Variants in GRID2 observed in about 807,000 individuals in gnomAD.
GRID2 encodes glutamate receptor ionotropic, delta-2.
In GRID2, 33 loss-of-function variants were observed where a neutral mutation model predicts 114.8. That is an observed-to-expected ratio of 0.29 (90% CI 0.22 to 0.38). The LOEUF is 0.38. Among genes scored for constraint, GRID2 ranks in the 10% least tolerant of loss-of-function variants. The pLI is 1.00. For missense variants in GRID2, 1,184 were observed against 1,257.7 expected (o/e 0.94, Z 0.89); for synonymous variants, 505 against 449.9 (o/e 1.12, Z -1.55).
chr4:92,600,089 T>TATATATATATATATATA (rs1729154849), intron 2 of GRID2, among the ~76,000 whole-genome samples: 2 of 134,756 alleles, frequency 1.5e-5, no homozygotes, highest in African/African-American at 2.7e-5. Context: ...TATATATATA[T>TATATATATATATATATA]TTCTCAGAAT....
chr4:93,421,865 T>G (rs1768323413), intron 9 of GRID2, among the ~76,000 whole-genome samples: 1 of 152,066 alleles, frequency 6.6e-6, no homozygotes, highest in Admixed American at 6.6e-5. Flanking sequence ...AAAAAAACCT[T>G]TGGCTATTCT....
At chr4:92,521,833 G>C (rs966100850) in intron 1 of GRID2, among the ~76,000 whole-genome samples, 31 of 152,052 alleles carry the variant, frequency 2.0e-4, no homozygotes, top group African/African-American at 6.7e-4. Context: ...TAAGAATTGA[G>C]AGAGCAGAGG....
chr4:93,351,759 G>A (rs1233498071), intron 8 of GRID2, among the ~76,000 whole-genome samples: 2 of 152,038 alleles, frequency 1.3e-5, no homozygotes, highest in East Asian at 3.9e-4. Flanking sequence ...GAGACTCAGA[G>A]AGTTTAAGTA....
At chr4:93,770,918 T>C (rs912598050) in intron 15 of GRID2, among the ~76,000 whole-genome samples, 2 of 152,156 alleles carry the variant, frequency 1.3e-5, no homozygotes, top group Admixed American at 1.3e-4. Flanking sequence ...ATTGCATTAA[T>C]GGATATTTTT....
intron 2 of GRID2, among the ~76,000 whole-genome samples, chr4:92,766,482 A>G (rs1015833928): frequency 4.8e-5 from 7 of 146,362 alleles, no homozygotes; most frequent in African/African-American, 1.8e-4. Flanking sequence ...GCTTGCGGTG[A>G]GCCGAGATAG....
chr4:93,528,801 C>T (rs926894295), intron 13 of GRID2, among the ~76,000 whole-genome samples: 6 of 152,176 alleles, frequency 3.9e-5, no homozygotes, highest in Middle Eastern at 3.4e-3. Context: ...TCATGTTATT[C>T]GGACACATCC....
intron 2 of GRID2, among the ~76,000 whole-genome samples, chr4:92,742,923 C>A (rs895611823): frequency 3.3e-5 from 5 of 152,132 alleles, no homozygotes; most frequent in Non-Finnish European, 5.9e-5. Context: ...ATCTTTTATT[C>A]CACTAGTTCT....
At chr4:93,570,015 T>C (rs1190492689) in intron 13 of GRID2, among the ~76,000 whole-genome samples, 1 of 152,186 alleles carries the variant, frequency 6.6e-6, no homozygotes, top group Non-Finnish European at 1.5e-5. Flanking sequence ...TATTAGAATA[T>C]GTTAATAAAT....
chr4:93,152,521 G>A (rs1343885372), intron 4 of GRID2, among the ~76,000 whole-genome samples: 2 of 152,090 alleles, frequency 1.3e-5, no homozygotes, highest in African/African-American at 2.4e-5. Flanking sequence ...ATTAACCACA[G>A]CTTAAATTGA....
intron 13 of GRID2, 82 bp downstream of exon 13, chr4:93,515,493 TG>T: frequency 1.0e-6 from 1 of 966,958 alleles, no homozygotes; most frequent in Middle Eastern, 3.4e-4. Flanking sequence ...TTGTTTTTTT[TG>T]TTTTGTTTTT....
At chr4:92,834,757 A>G (rs1406891122) in intron 2 of GRID2, among the ~76,000 whole-genome samples, 1 of 152,164 alleles carries the variant, frequency 6.6e-6, no homozygotes, top group Admixed American at 6.6e-5. Context: ...ATTTCTGGAC[A>G]CTGCATTTTT....
Position 93,271,784 on chromosome 4 carries a change from T to G in GRID2, c.1245+33294T>G, listed in dbSNP as rs142964896. ...AAAAATATGATTATTTTTATTGTAC[T>G]TTATGAATGTTGCTTATGCAATCTA... On this transcript the variant is annotated intron_variant, in intron 8 of 15. Coordinates refer to ENST00000282020, the MANE Select transcript of GRID2 (RefSeq NM_001510.4). Among the ~76,000 whole-genome samples, 572 of 151,794 alleles carry G rather than the reference T, an allele frequency of 3.8e-3. 4 individuals carry two copies. The highest frequency in any genetic ancestry group is 0.013 in the African/African-American group (549 of 41,208).
chr4:92,688,021 G>A (rs959567072), intron 2 of GRID2, among the ~76,000 whole-genome samples: 6 of 120,560 alleles, frequency 5.0e-5, no homozygotes, highest in Non-Finnish European at 8.7e-5. Context: ...TGCCACATTG[G>A]TTGACCCTTC....
At chr4:93,097,342 A>C (rs1029099180) in intron 3 of GRID2, among the ~76,000 whole-genome samples, 2 of 151,878 alleles carry the variant, frequency 1.3e-5, no homozygotes, top group Non-Finnish European at 2.9e-5. Flanking sequence ...GGTAAAGGAA[A>C]GGAAAAAGGA....
intron 1 of GRID2, among the ~76,000 whole-genome samples, chr4:92,341,119 TAGTA>T (rs1220425906): frequency 1.3e-4 from 20 of 152,188 alleles, no homozygotes; most frequent in Non-Finnish European, 2.4e-4. Context: ...ATACAGTAGA[TAGTA>T]TATATAAAAG....
chr4:92,398,875 T>TG (rs1730638896), intron 1 of GRID2, among the ~76,000 whole-genome samples: 4 of 152,220 alleles, frequency 2.6e-5, no homozygotes. Flanking sequence ...GCAGTGGGAC[T>TG]GAGTGAGCTG....
intron 2 of GRID2, among the ~76,000 whole-genome samples, chr4:93,029,610 A>G (rs1724200583): frequency 6.6e-6 from 1 of 152,166 alleles, no homozygotes; most frequent in Non-Finnish European, 1.5e-5. Context: ...ATATTTTTAA[A>G]AGTTACAATA....
intron 2 of GRID2, among the ~76,000 whole-genome samples, chr4:93,012,909 A>T (rs1311978523): frequency 6.6e-6 from 1 of 152,038 alleles, no homozygotes; most frequent in Non-Finnish European, 1.5e-5. Flanking sequence ...AATATATATG[A>T]CATATATATA....
At chr4:93,759,200 A>T (rs543213702) in intron 14 of GRID2, among the ~76,000 whole-genome samples, 1 of 152,300 alleles carries the variant, frequency 6.6e-6, no homozygotes, top group African/African-American at 2.4e-5. Flanking sequence ...GAGATCCGTC[A>T]TGTTGCTAAT....
Sources: gnomAD v4.1 joint callset for allele counts (sites outside exome capture counted in the v4.1 genomes callset) on GRCh38, gnomAD v4.1.1 for gene constraint, MANE v1.5 for transcripts, NCBI Gene and HGNC (gene_info 2026-07-23, HGNC 2026-07-21) for gene names.